ROBO1: variants seen among roughly 807,000 people sequenced by gnomAD.
ROBO1 encodes the protein roundabout homolog 1.
ROBO1 carries 149 observed loss-of-function variants against 195.9 expected under a neutral mutation model. The ratio of observed to expected loss-of-function variants is 0.76; its 90% CI spans 0.67 to 0.87. The LOEUF (loss-of-function observed/expected upper bound fraction) is 0.87. Ranked by LOEUF, ROBO1 falls within the 40% of genes least tolerant of loss-of-function variation. ROBO1 has a pLI of 0.00. For missense variants in ROBO1, 1,933 were observed against 2,068.3 expected, an observed-to-expected ratio of 0.93 and a Z score of 1.27; for synonymous variants, 816 against 733.2, an observed-to-expected ratio of 1.11 and a Z score of -1.82.
At chr3:79,237,747 C>T in intron 2 of ROBO1, among the ~76,000 whole-genome samples, 1 of 151,984 alleles carries the variant, frequency 6.6e-6, no homozygotes, top group East Asian at 1.9e-4. Context: ...TCTGTTGCTG[C>T]TTTTAAGTAC....
chr3:78,966,035 A>T (rs910036003), intron 3 of ROBO1, among the ~76,000 whole-genome samples: 7 of 152,194 alleles, frequency 4.6e-5, no homozygotes, highest in Admixed American at 3.3e-4. Flanking sequence ...TTAGCCCCTG[A>T]GCTCCATCTC....
chr3:79,561,106 A>C (rs1483438752), intron 2 of ROBO1, among the ~76,000 whole-genome samples: 1 of 152,104 alleles, frequency 6.6e-6, no homozygotes, highest in Non-Finnish European at 1.5e-5. Context: ...ACCAGAAAAA[A>C]AATATATGAC....
At chr3:78,855,456 G>A (rs1269870800) in intron 4 of ROBO1, among the ~76,000 whole-genome samples, 1 of 152,206 alleles carries the variant, frequency 6.6e-6, no homozygotes, top group African/African-American at 2.4e-5. Flanking sequence ...AAGTTCACCA[G>A]TGCCACAATA....
rs375186931 is a variant in ROBO1 at position 78,981,788 on chromosome 3, AACACACACACACAC to A, written c.173-42875_173-42862del. Among the ~76,000 whole-genome samples the A allele has an allele frequency of 6.0e-3, 839 of 140,756 alleles. 8 individuals are homozygous for A. Among genetic ancestry groups the A allele is most frequent in the African/African-American group, 0.021 (797 of 38,028 alleles). 92.3% of individuals were successfully genotyped at this position (140,756 alleles called of 152,430 possible). A position where few individuals can be genotyped will look rare whatever the true frequency, so the allele number is the denominator to read the frequency against. ...CCGCTCCCATCCCCTGGCCCCTGCC[AACACACACACACAC>A]ACACACACACACACACACACACAAA... On this transcript the variant is annotated intron_variant, in intron 3 of 30. Transcript: ENST00000464233.
chr3:79,164,527 T>C (rs778029211), intron 2 of ROBO1, among the ~76,000 whole-genome samples: 1 of 152,176 alleles, frequency 6.6e-6, no homozygotes, highest in Non-Finnish European at 1.5e-5. Flanking sequence ...CAGCCCACCA[T>C]CCTCATTTGC....
intron 2 of ROBO1, among the ~76,000 whole-genome samples, chr3:79,187,394 A>G (rs2081459675): frequency 6.6e-6 from 1 of 151,968 alleles, no homozygotes; most frequent in Non-Finnish European, 1.5e-5. Flanking sequence ...AGCTGCATGG[A>G]TCACAATCAT....
intron 2 of ROBO1, among the ~76,000 whole-genome samples, chr3:79,495,338 A>T (rs1364007628): frequency 6.6e-6 from 1 of 152,214 alleles, no homozygotes; most frequent in Non-Finnish European, 1.5e-5. Flanking sequence ...GCTTCAAAGT[A>T]TAAAAATAAT....
intron 2 of ROBO1, among the ~76,000 whole-genome samples, chr3:79,183,129 C>A (rs1026989131): frequency 6.7e-6 from 1 of 148,608 alleles, no homozygotes; most frequent in Non-Finnish European, 1.5e-5. Flanking sequence ...TCCTTACACA[C>A]AATTGCTTTT....
chr3:79,480,369 T>C (rs1279782780), intron 2 of ROBO1, among the ~76,000 whole-genome samples: 1 of 152,180 alleles, frequency 6.6e-6, no homozygotes, highest in Non-Finnish European at 1.5e-5. Flanking sequence ...TATATTACTA[T>C]TTCTCAAGTA....
intron 10 of ROBO1, among the ~76,000 whole-genome samples, 194 bp downstream of exon 10, chr3:78,685,552 G>A (rs907866669): frequency 1.3e-5 from 2 of 152,094 alleles, no homozygotes; most frequent in Non-Finnish European, 2.9e-5. Context: ...GAATCTGATT[G>A]AATGCTACAA....
At chr3:79,204,220 C>G (rs984130785) in intron 2 of ROBO1, among the ~76,000 whole-genome samples, 2 of 152,120 alleles carry the variant, frequency 1.3e-5, no homozygotes, top group African/African-American at 4.8e-5. Flanking sequence ...GTTTTGGGAA[C>G]ATTACAATTT....
chr3:78,814,084 G>C (rs919386659), intron 4 of ROBO1, among the ~76,000 whole-genome samples: 3 of 152,038 alleles, frequency 2.0e-5, no homozygotes, highest in Middle Eastern at 3.4e-3. Context: ...ATAGGGTCCA[G>C]GGTGTCTTAG....
chr3:78,719,205 C>A (rs2081982194), intron 5 of ROBO1, among the ~76,000 whole-genome samples: 1 of 152,024 alleles, frequency 6.6e-6, no homozygotes, highest in Non-Finnish European at 1.5e-5. Flanking sequence ...TCATTCTATC[C>A]CTCATAACCA....
chr3:79,599,187 A>G (rs1211390093), intron 1 of ROBO1, among the ~76,000 whole-genome samples: 3 of 152,098 alleles, frequency 2.0e-5, no homozygotes, highest in Non-Finnish European at 4.4e-5. Context: ...CATGTGAAGT[A>G]TTCAAAATAC....
intron 1 of ROBO1, among the ~76,000 whole-genome samples, chr3:79,663,410 C>A (rs1331286073): frequency 6.6e-6 from 1 of 152,026 alleles, no homozygotes; most frequent in Non-Finnish European, 1.5e-5. Context: ...CAATTTTTGA[C>A]ACATAAAAAC....
chr3:78,941,393 C>T (rs1334248470), intron 3 of ROBO1, among the ~76,000 whole-genome samples: 2 of 152,168 alleles, frequency 1.3e-5, no homozygotes, highest in Non-Finnish European at 2.9e-5. Flanking sequence ...TATACAACTT[C>T]AGAAGATTAA....
At chr3:79,059,831 G>GTAAAACA (rs1246964172) in intron 3 of ROBO1, among the ~76,000 whole-genome samples, 1 of 151,886 alleles carries the variant, frequency 6.6e-6, no homozygotes, top group Admixed American at 6.6e-5. Flanking sequence ...ATAAATTTTT[G>GTAAAACA]TAAAACATGT....
chr3:79,331,117 T>A (rs2109172194), intron 2 of ROBO1, among the ~76,000 whole-genome samples: 1 of 152,306 alleles, frequency 6.6e-6, no homozygotes, highest in East Asian at 1.9e-4. Flanking sequence ...AGTGTAATAC[T>A]AAGAAATGCA....
At chr3:78,600,045 G>T in intron 30 of ROBO1, 68 bp downstream of exon 30, 1 of 1,239,680 alleles carries the variant, frequency 8.1e-7, no homozygotes, top group Non-Finnish European at 1.2e-6. Context: ...GTACACTGAT[G>T]AAGGTTCCTA....
Sources: allele counts gnomAD v4.1 joint callset (sites outside exome capture counted in the v4.1 genomes callset), GRCh38; gene constraint gnomAD v4.1.1; transcripts MANE v1.5; gene names NCBI Gene and HGNC (gene_info 2026-07-23, HGNC 2026-07-21).